Variants in RPGR observed in about 807,000 individuals in gnomAD.
The protein encoded by RPGR is retinitis pigmentosa GTPase regulator.
A neutral mutation model predicts 56.3 loss-of-function variants in RPGR; 10 were observed. The ratio of observed to expected loss-of-function variants is 0.18; its 90% CI spans 0.11 to 0.30. RPGR has a LOEUF of 0.30. Among genes scored for constraint, RPGR ranks in the 10% least tolerant of loss-of-function variants. The probability of loss-of-function intolerance (pLI) is 1.00; values close to 1 mark genes in which losing one functional copy is unlikely to be tolerated. For missense variants in RPGR, 538 were observed against 590.9 expected (o/e 0.91, Z 0.93); for synonymous variants, 197 against 212.9 (o/e 0.93, Z 0.65).
chrX:38,287,512 A>C (rs770795329), intron 14 of RPGR: 18 of 515,996 alleles, frequency 3.5e-5, no homozygotes, highest in Non-Finnish European at 5.8e-5. Context: ...GTCAAAGATC[A>C]CATCTTGCTT....
At chrX:38,276,846 T>G in intron 15 of RPGR, 1 of 864,318 alleles carries the variant, frequency 1.2e-6, no homozygotes, top group Non-Finnish European at 1.7e-6. Flanking sequence ...ATTGCTGTCA[T>G]AAATAATTTG....
chrX:38,281,922 C>T (rs1025754071), intron 15 of RPGR, among the ~76,000 whole-genome samples: 2 of 110,036 alleles, frequency 1.8e-5, no homozygotes, highest in African/African-American at 3.3e-5. Flanking sequence ...TTTTTTTCTC[C>T]GCCTCACTAA....
intron 15 of RPGR, among the ~76,000 whole-genome samples, chrX:38,284,002 G>A (rs910988928): frequency 8.9e-6 from 1 of 111,945 alleles, no homozygotes; most frequent in Admixed American, 9.5e-5. Flanking sequence ...TGGTTAGTTA[G>A]GGGAAGCTGC....
At chrX:38,317,032 G>T (rs1478472748) in intron 6 of RPGR, among the ~76,000 whole-genome samples, 1 of 111,323 alleles carries the variant, frequency 9.0e-6, no homozygotes, top group Non-Finnish European at 1.9e-5. Context: ...GTCCAGGAAA[G>T]GGAGAAGTTG....
Position 38,327,432 on chromosome X carries a change from C to T in RPGR, c.-65G>A, listed in dbSNP as rs945278639. ...GCTGTAGAGGACGGTTTGGTCGGGG[C>T]TAAAGCAGCTACTCCGCACCGACGC... On this transcript the variant is annotated 5_prime_UTR_variant, in exon 1 of 19. Transcript: ENST00000642395. 13 of 1,065,295 alleles carry T rather than the reference C, an allele frequency of 1.2e-5. No homozygotes were observed. The highest frequency in any genetic ancestry group is 2.5e-4 in the Middle Eastern group (1 of 4,032). The allele number at this position is 1,065,295 out of a possible 1,213,427, so 87.8% of individuals were successfully genotyped here. A position where few individuals can be genotyped will look rare whatever the true frequency, so the allele number is the denominator to read the frequency against.
chrX:38,299,011 G>C lies in RPGR; in HGVS notation c.1190C>G (p.Thr397Ser), dbSNP rs2067449142. 8.3e-7 allele frequency: 1 copy of C among 1,209,863 alleles called. No homozygotes were observed. The highest frequency in any genetic ancestry group is 1.1e-6 in the Non-Finnish European group (1 of 895,203). Reference sequence around the variant, plus strand: ...AGTCCTCTGCAGTACATTTCCTGAGGTTAAACTGCTATACGGCAGAAAAGT... The same window carrying C: ...AGTCCTCTGCAGTACATTTCCTGAGCTTAAACTGCTATACGGCAGAAAAGT... The change falls in exon 10 of 19, where the codon ACC becomes AGC. Residue 397 changes from threonine (T) to serine (S), a missense_variant. Coordinates refer to ENST00000642395, the MANE Select transcript of RPGR (RefSeq NM_000328.3).
rs779604951 is a variant in RPGR at position 38,325,372 on chromosome X, C to A, written c.29-1848G>T. 3.6e-5 allele frequency among the ~76,000 whole-genome samples: 4 copies of A among 111,139 alleles called. No homozygotes were observed. In the South Asian group the frequency reaches 1.5e-3, roughly 42 times the overall value. ...GGTCCCCCTTACACACATGTATATT[C>A]GTAACTGTTGAATGTTTTGTTTACC... On this transcript the variant is annotated intron_variant, in intron 1 of 18. Transcript: ENST00000642395.
At chrX:38,320,913 C>G in intron 4 of RPGR, 114 bp downstream of exon 4, 3 of 594,381 alleles carry the variant, frequency 5.0e-6, no homozygotes, top group Non-Finnish European at 8.4e-6. Context: ...TTAAAAAACC[C>G]TAATTTTACT....
intron 7 of RPGR, 167 bp from the exon 8 acceptor site, chrX:38,304,957 A>C: frequency 2.1e-6 from 1 of 468,936 alleles, no homozygotes; most frequent in Admixed American, 3.8e-5. Flanking sequence ...TCTTTCAATG[A>C]TGAAGGAAGA....
chrX:38,285,661 C>A (rs761342257), intron 15 of RPGR: 4 of 1,211,434 alleles, frequency 3.3e-6, no homozygotes, highest in Non-Finnish European at 4.5e-6. Flanking sequence ...TTTCCCATTT[C>A]CCTGTGTGTT....
In RPGR at chrX:38,276,686, TTTC is replaced by T. The variant is rs1284660262; in HGVS notation, c.1989_1991del (p.Lys664del). On this transcript the variant is annotated inframe_deletion, in exon 16 of 19. Coordinates refer to ENST00000642395, the MANE Select transcript of RPGR (RefSeq NM_000328.3). Reference sequence around the variant, plus strand: ...GAACACTTTCATCATCTCCCACAGTTTTCTTCTTGCTTTCCACATTTTCAGCAT... The same window carrying T: ...GAACACTTTCATCATCTCCCACAGTTTTCTTGCTTTCCACATTTTCAGCAT... 1 of 1,210,062 alleles carries T rather than the reference TTTC, an allele frequency of 8.3e-7. No individual in the cohort carries two copies. Among genetic ancestry groups the T allele is most frequent in the Non-Finnish European group, 1.1e-6 (1 of 894,030 alleles).
chrX:38,301,147 C>T, intron 9 of RPGR, 100 bp downstream of exon 9: 1 of 719,912 alleles, frequency 1.4e-6, no homozygotes, highest in Non-Finnish European at 2.0e-6. Flanking sequence ...ATATATGATA[C>T]TCTTCCATAC....
chrX:38,306,877 T>C (rs1318200967), intron 7 of RPGR, among the ~76,000 whole-genome samples: 4 of 112,623 alleles, frequency 3.6e-5, no homozygotes, highest in Non-Finnish European at 7.5e-5. Context: ...ATAAAAATGA[T>C]TGAAGGCGCT....
intron 1 of RPGR, chrX:38,325,789 TCA>T (rs1224594549): frequency 1.8e-5 from 2 of 111,574 alleles, no homozygotes; most frequent in African/African-American, 6.5e-5. Flanking sequence ...TGAGTAGTAT[TCA>T]CAAACTGTTG....
rs746648402 is a variant in RPGR, at chrX:38,286,728, C to T, written c.1905+366G>A. The T allele has an allele frequency of 9.6e-6, 11 of 1,148,564 alleles. 1 individual carries two copies. In the South Asian group the frequency reaches 1.7e-4, roughly 18 times the overall value. 94.7% of individuals were successfully genotyped at this position (1,148,564 alleles called of 1,213,427 possible). A position where few individuals can be genotyped will look rare whatever the true frequency, so the allele number is the denominator to read the frequency against. On this transcript the variant is annotated intron_variant, in intron 15 of 18. Coordinates refer to ENST00000642395, the MANE Select transcript of RPGR (RefSeq NM_000328.3). Reference sequence around the variant, plus strand: ...CCTCCACTTCTTCCCCTTCTCCTTCCTCTTTCCCTTCTCCCTCCTTCTCTT... The same window carrying T: ...CCTCCACTTCTTCCCCTTCTCCTTCTTCTTTCCCTTCTCCCTCCTTCTCTT...
chrX:38,308,486 A>G (rs1434287956), intron 7 of RPGR, among the ~76,000 whole-genome samples: 1 of 111,103 alleles, frequency 9.0e-6, no homozygotes, highest in African/African-American at 3.3e-5. Flanking sequence ...TTATAGAAAA[A>G]TGTTTTATAA....
At position 38,309,972 on chromosome X, in the gene RPGR, T is replaced by G. The variant is rs780635409; in HGVS notation, c.778+643A>C. ...CAGGAATAAAGGGTGAGAATCTTTTTTTTGTTTGTTTTTCTTTTTGTTTTG... is the reference window on the plus strand; with the variant it reads ...CAGGAATAAAGGGTGAGAATCTTTTGTTTGTTTGTTTTTCTTTTTGTTTTG... On this transcript the variant is annotated intron_variant, in intron 7 of 18. Coordinates refer to ENST00000642395, the MANE Select transcript of RPGR (RefSeq NM_000328.3). Among the ~76,000 whole-genome samples the G allele has an allele frequency of 9.0e-5, 10 of 111,556 alleles. No homozygotes were observed. The South Asian group carries it at 3.8e-3, about 42-fold the overall frequency.
chrX:38,311,605 C>T (rs2067720027), intron 6 of RPGR, among the ~76,000 whole-genome samples: 1 of 111,321 alleles, frequency 9.0e-6, no homozygotes, highest in Non-Finnish European at 1.9e-5. Flanking sequence ...AGAAGGTGGC[C>T]CCTGGAGTGT....
intron 11 of RPGR, chrX:38,295,898 T>C (rs1191295759): frequency 8.9e-6 from 1 of 112,311 alleles, no homozygotes; most frequent in Non-Finnish European, 1.9e-5. Flanking sequence ...TTTCTTGTCC[T>C]ACCCCTATCA....
Sources: gnomAD v4.1 joint callset for allele counts (sites outside exome capture counted in the v4.1 genomes callset) on GRCh38, gnomAD v4.1.1 for gene constraint, MANE v1.5 for transcripts, NCBI Gene and HGNC (gene_info 2026-07-23, HGNC 2026-07-21) for gene names.